The following COL25A1 variants were observed in gnomAD, a reference collection of about 807,000 sequenced individuals.
COL25A1 encodes collagen alpha-1(XXV) chain.
In COL25A1, 103 loss-of-function variants were observed where a neutral mutation model predicts 128.4. The ratio of observed to expected loss-of-function variants is 0.80; its 90% CI spans 0.68 to 0.94. COL25A1 has a LOEUF of 0.94. COL25A1 is among the 40% of genes least tolerant of loss of function. COL25A1 has a pLI of 0.00. For missense variants in COL25A1, 745 were observed against 840.0 expected, an observed-to-expected ratio of 0.89 and a Z score of 1.40; for synonymous variants, 279 against 277.2, an observed-to-expected ratio of 1.01 and a Z score of -0.06.
intron 33 of COL25A1, 104 bp from the exon 34 acceptor site, chr4:108,825,326 C>T: frequency 1.2e-6 from 1 of 849,014 alleles, no homozygotes; most frequent in Non-Finnish European, 2.0e-6. Flanking sequence ...ACTAGAACAA[C>T]TACTTCAGAA....
intron 3 of COL25A1, among the ~76,000 whole-genome samples, chr4:109,243,659 G>T (rs970420484): frequency 2.0e-5 from 3 of 151,922 alleles, no homozygotes; most frequent in African/African-American, 7.2e-5. Flanking sequence ...CTACAATGAG[G>T]ACAGAACCAA....
chr4:108,922,155 G>A (rs1295647828), intron 11 of COL25A1, among the ~76,000 whole-genome samples: 1 of 152,084 alleles, frequency 6.6e-6, no homozygotes, highest in Non-Finnish European at 1.5e-5. Context: ...CTTCCCCTTA[G>A]CATATAAACA....
chr4:108,819,671 TA>T (rs1731589650), intron 35 of COL25A1: 5 of 435,058 alleles, frequency 1.1e-5, no homozygotes, highest in African/African-American at 2.0e-5. Context: ...GGATAACTGA[TA>T]AATGTTTCTG....
At chr4:108,933,830 C>T (rs1747062766) in intron 11 of COL25A1, among the ~76,000 whole-genome samples, 1 of 148,186 alleles carries the variant, frequency 6.7e-6, no homozygotes, top group African/African-American at 2.5e-5. Context: ...ACTTTTCTCC[C>T]TACCAGATTT....
chr4:108,852,877 A>C, intron 25 of COL25A1, 25 bp downstream of exon 25: 1 of 1,603,568 alleles, frequency 6.2e-7, no homozygotes, highest in Non-Finnish European at 8.5e-7. Flanking sequence ...ACCACAAACC[A>C]CAGAAAGCAT....
chr4:109,218,566 A>G (rs1345215155), intron 3 of COL25A1, among the ~76,000 whole-genome samples: 1 of 151,654 alleles, frequency 6.6e-6, no homozygotes, highest in Non-Finnish European at 1.5e-5. Context: ...GTACTCTCTC[A>G]GCTTTTATGC....
At chr4:109,228,833 G>C (rs1024709084) in intron 3 of COL25A1, among the ~76,000 whole-genome samples, 2 of 152,164 alleles carry the variant, frequency 1.3e-5, no homozygotes, top group Non-Finnish European at 2.9e-5. Flanking sequence ...TACTACTGTG[G>C]AATTCCAGAT....
intron 3 of COL25A1, among the ~76,000 whole-genome samples, chr4:109,178,639 A>G (rs367745437): frequency 7.4e-4 from 113 of 152,154 alleles, no homozygotes; most frequent in South Asian, 4.6e-3. Flanking sequence ...CCTGGCTAAC[A>G]TGGTGAAACC....
intron 6 of COL25A1, among the ~76,000 whole-genome samples, chr4:108,994,174 A>T (rs1579016542): frequency 6.6e-6 from 1 of 152,304 alleles, no homozygotes; most frequent in East Asian, 1.9e-4. Flanking sequence ...AGGAAACTCA[A>T]GGGGTCGGGG....
intron 5 of COL25A1, among the ~76,000 whole-genome samples, chr4:109,036,246 G>A: frequency 6.7e-6 from 1 of 149,760 alleles, no homozygotes; most frequent in South Asian, 2.1e-4. Context: ...GATTTAAAAA[G>A]GATTTTTTTT....
At chr4:109,051,291 A>G (rs1191657623) in intron 3 of COL25A1, among the ~76,000 whole-genome samples, 1 of 152,164 alleles carries the variant, frequency 6.6e-6, no homozygotes, top group Non-Finnish European at 1.5e-5. Context: ...ATGAGAAACA[A>G]AAACATCAGT....
At chr4:108,957,558 T>A (rs1309902624) in intron 8 of COL25A1, among the ~76,000 whole-genome samples, 1 of 152,200 alleles carries the variant, frequency 6.6e-6, no homozygotes, top group African/African-American at 2.4e-5. Flanking sequence ...AGATGTTGAT[T>A]CAAAAGAAGG....
intron 2 of COL25A1, among the ~76,000 whole-genome samples, chr4:109,301,310 T>C (rs1725501521): frequency 6.6e-6 from 1 of 152,228 alleles, no homozygotes; most frequent in Non-Finnish European, 1.5e-5. Flanking sequence ...TAAGAGTGAT[T>C]ACCTTTTTTA....
intron 19 of COL25A1, 139 bp from the exon 20 acceptor site, chr4:108,869,289 A>T (rs914736182): frequency 1.9e-6 from 1 of 535,572 alleles, no homozygotes; most frequent in African/African-American, 2.1e-5. Flanking sequence ...TCTTGCCGAG[A>T]TCCAGCTACT....
At chr4:108,930,167 A>G (rs760236977) in intron 11 of COL25A1, among the ~76,000 whole-genome samples, 4 of 152,204 alleles carry the variant, frequency 2.6e-5, no homozygotes, top group Middle Eastern at 3.4e-3. Flanking sequence ...GCAGAAGTCT[A>G]TATCTTTTTT....
chr4:108,849,317 G>A (rs1175290345), intron 26 of COL25A1, among the ~76,000 whole-genome samples: 2 of 152,180 alleles, frequency 1.3e-5, no homozygotes, highest in Admixed American at 1.3e-4. Flanking sequence ...GATTGTGAGT[G>A]TGCAATTTCC....
chr4:108,970,051 G>A (rs1164560025), intron 8 of COL25A1, among the ~76,000 whole-genome samples: 5 of 152,010 alleles, frequency 3.3e-5, no homozygotes, highest in Non-Finnish European at 4.4e-5. Flanking sequence ...ACAGGCACTC[G>A]CCACCACGCC....
chr4:108,823,385 T>C (rs1463024092), intron 35 of COL25A1, among the ~76,000 whole-genome samples: 2 of 146,670 alleles, frequency 1.4e-5, no homozygotes, highest in Non-Finnish European at 3.0e-5. Flanking sequence ...AAGACAGAGA[T>C]AGAGAAGGAT....
intron 6 of COL25A1, among the ~76,000 whole-genome samples, chr4:109,003,270 A>G (rs775606203): frequency 2.0e-5 from 3 of 152,220 alleles, no homozygotes; most frequent in Non-Finnish European, 4.4e-5. Flanking sequence ...AATTTATACA[A>G]TTTTTAAAAT....
Sources: allele counts gnomAD v4.1 joint callset (sites outside exome capture counted in the v4.1 genomes callset), GRCh38; gene constraint gnomAD v4.1.1; transcripts MANE v1.5; gene names NCBI Gene and HGNC (gene_info 2026-07-23, HGNC 2026-07-21).